The following MCCC1 variants were observed in gnomAD, a reference collection of about 807,000 sequenced individuals.
MCCC1 encodes the protein methylcrotonoyl-CoA carboxylase subunit alpha, mitochondrial.
Under a neutral mutation model 83.8 loss-of-function variants are expected in MCCC1, and 64 were observed. That is an observed-to-expected ratio of 0.76 (90% CI 0.62 to 0.94). MCCC1 has a LOEUF of 0.94. Among genes scored for constraint, MCCC1 ranks in the 40% least tolerant of loss-of-function variants. The probability of loss-of-function intolerance (pLI) is 0.00; values close to 1 mark genes in which losing one functional copy is unlikely to be tolerated. For synonymous variants in MCCC1, 322 were observed against 315.4 expected (o/e 1.02, Z -0.22); for missense variants, 807 against 904.7 (o/e 0.89, Z 1.39).
At chr3:183,074,650 C>T (rs1252750386) in intron 4 of MCCC1, among the ~76,000 whole-genome samples, 1 of 152,188 alleles carries the variant, frequency 6.6e-6, no homozygotes, top group Non-Finnish European at 1.5e-5. Context: ...ATGCCAGATA[C>T]AGATAAAATG....
intron 3 of MCCC1, among the ~76,000 whole-genome samples, chr3:183,091,665 T>C (rs1267598482): frequency 3.3e-5 from 5 of 152,220 alleles, no homozygotes; most frequent in Admixed American, 2.0e-4. Context: ...TTATTAGTTA[T>C]AATTTTACAG....
chr3:183,099,203 G>A lies in MCCC1; in HGVS notation c.89+149C>T, dbSNP rs1157763372. On this transcript the variant is annotated intron_variant, in intron 1 of 18. Coordinates refer to ENST00000265594, the MANE Select transcript of MCCC1 (RefSeq NM_020166.5). ...ATGTCTTCCTCCCGACGCCGTGACT[G>A]CCGGCAGAACCCCTCCGAAAGTGCC... is the stretch of plus-strand genomic sequence containing the variant. 7.1e-6 allele frequency: 6 copies of A among 843,708 alleles called. No homozygotes were observed. The East Asian group carries it at 8.1e-5, about 11-fold the overall frequency. 52.3% of individuals were successfully genotyped at this position (843,708 alleles called of 1,614,324 possible). A position where few individuals can be genotyped will look rare whatever the true frequency, so the allele number is the denominator to read the frequency against.
rs150804745 is a variant in MCCC1 at position 183,112,526 on chromosome 3, C to A, written c.-102+2948G>T. 2.2e-4 allele frequency among the ~76,000 whole-genome samples: 34 copies of A among 152,282 alleles called. 1 individual carries two copies. In the East Asian group the frequency reaches 6.6e-3, roughly 29 times the overall value. On this transcript the variant is annotated intron_variant, in intron 1 of 17. Coordinates refer to the MCCC1 transcript ENST00000492597. Reference sequence around the variant, plus strand: ...TAAAAAACCTTTTATTATGGAAAAGCTTTACCATTACAAGAGTGGGTAGAA... The same window carrying A: ...TAAAAAACCTTTTATTATGGAAAAGATTTACCATTACAAGAGTGGGTAGAA...
intron 14 of MCCC1, among the ~76,000 whole-genome samples, chr3:183,027,956 A>G (rs1452281040): frequency 6.6e-6 from 1 of 152,248 alleles, no homozygotes; most frequent in Admixed American, 6.5e-5. Flanking sequence ...TGTGGCTACA[A>G]AAAACAACAG....
At chr3:183,044,690 A>G (rs1714392710) in intron 10 of MCCC1, among the ~76,000 whole-genome samples, 2 of 152,100 alleles carry the variant, frequency 1.3e-5, no homozygotes, top group Non-Finnish European at 2.9e-5. Context: ...TGTGGTTGTG[A>G]GCAAGCCCCT....
intron 9 of MCCC1, among the ~76,000 whole-genome samples, chr3:183,049,713 AAAATGATAATAAAG>A (rs1714822394): frequency 6.6e-6 from 1 of 152,244 alleles, no homozygotes; most frequent in Admixed American, 6.5e-5. Flanking sequence ...CATGGACATT[AAAATGATAATAAAG>A]AAATATTATG....
At chr3:183,103,786 G>A (rs1031187424), upstream of MCCC1, among the ~76,000 whole-genome samples, 1 of 152,210 alleles carries the variant, frequency 6.6e-6, no homozygotes, top group Non-Finnish European at 1.5e-5. Flanking sequence ...ACTGGGCGCT[G>A]TGGAGCAGGG....
chr3:183,084,803 C>T (rs944006550), intron 4 of MCCC1, among the ~76,000 whole-genome samples: 3 of 151,940 alleles, frequency 2.0e-5, no homozygotes, highest in African/African-American at 7.3e-5. Context: ...AAGCCTGTAG[C>T]TCTAGCTACT....
At chr3:183,063,278 G>C (rs1051796612) in intron 7 of MCCC1, among the ~76,000 whole-genome samples, 1 of 152,078 alleles carries the variant, frequency 6.6e-6, no homozygotes, top group Non-Finnish European at 1.5e-5. Flanking sequence ...CACTGCGCCT[G>C]GCCCTATTTA....
chr3:183,088,568 T>C (rs939875701), intron 3 of MCCC1, among the ~76,000 whole-genome samples: 1 of 152,222 alleles, frequency 6.6e-6, no homozygotes, highest in African/African-American at 2.4e-5. Flanking sequence ...AAGTGAATTA[T>C]AATACAAACG....
chr3:183,068,163 T>C (rs961798674), intron 7 of MCCC1, among the ~76,000 whole-genome samples: 1 of 152,162 alleles, frequency 6.6e-6, no homozygotes. Context: ...GCAACTCCCA[T>C]CTTGAATAGG....
chr3:183,033,169 G>A (rs544835698), intron 14 of MCCC1, among the ~76,000 whole-genome samples: 11 of 152,194 alleles, frequency 7.2e-5, no homozygotes, highest in Non-Finnish European at 1.0e-4. Context: ...CTGCTACACT[G>A]CTCCAGCCAA....
intron 4 of MCCC1, among the ~76,000 whole-genome samples, chr3:183,081,552 G>C (rs1717494463): frequency 6.6e-6 from 1 of 152,200 alleles, no homozygotes; most frequent in Non-Finnish European, 1.5e-5. Context: ...CCATGGTGAA[G>C]CGGACAAGTC....
chr3:183,085,318 TA>T (rs1717813917), intron 4 of MCCC1, among the ~76,000 whole-genome samples: 1 of 151,914 alleles, frequency 6.6e-6, no homozygotes. Context: ...TCCCCAGCTT[TA>T]AAAAACCTCC....
At chr3:183,027,255 TC>T (rs1294165840) in intron 14 of MCCC1, among the ~76,000 whole-genome samples, 1 of 150,802 alleles carries the variant, frequency 6.6e-6, no homozygotes, top group Non-Finnish European at 1.5e-5. Flanking sequence ...TCTATGGGTC[TC>T]CCTATTCCCT....
At chr3:183,088,716 G>T (rs1347428460) in intron 3 of MCCC1, among the ~76,000 whole-genome samples, 1 of 152,064 alleles carries the variant, frequency 6.6e-6, no homozygotes, top group Admixed American at 6.5e-5. Context: ...TGCAGTTTTA[G>T]TTCTTGTTTT....
rs1414857427 is a variant in MCCC1 at position 183,071,127 on chromosome 3, G to C, written c.640-7C>G. On this transcript the variant is annotated splice_polypyrimidine_tract_variant and splice_region_variant and intron_variant, in intron 6 of 18. Transcript: ENST00000265594. ...ATCTAACAATCCTCATTCCCTAAGA[G>C]AGAAAAGATGATTATGACTACAACA... is the stretch of plus-strand genomic sequence containing the variant. 1 of 1,614,142 alleles carries C rather than the reference G, an allele frequency of 6.2e-7. No individual in the cohort carries two copies. Among genetic ancestry groups the C allele is most frequent in the Non-Finnish European group, 8.5e-7 (1 of 1,180,020 alleles).
chr3:183,025,213 G>A (rs569386184), intron 15 of MCCC1, among the ~76,000 whole-genome samples: 15 of 152,328 alleles, frequency 9.8e-5, no homozygotes, highest in East Asian at 1.9e-4. Context: ...GAAGAAAGAA[G>A]TTCTGGAGAT....
At chr3:183,089,755 A>G (rs1259146304) in intron 3 of MCCC1, among the ~76,000 whole-genome samples, 1 of 152,224 alleles carries the variant, frequency 6.6e-6, no homozygotes, top group Non-Finnish European at 1.5e-5. Context: ...GTAGGAAAGA[A>G]GAGAGAAAAA....
Sources: gnomAD v4.1 joint callset for allele counts (sites outside exome capture counted in the v4.1 genomes callset) on GRCh38, gnomAD v4.1.1 for gene constraint, MANE v1.5 for transcripts, NCBI Gene and HGNC (gene_info 2026-07-23, HGNC 2026-07-21) for gene names.